The following DIS3L2 variants were observed in gnomAD, a reference collection of about 807,000 sequenced individuals.
The protein encoded by DIS3L2 is DIS3-like exonuclease 2.
DIS3L2 carries 34 observed loss-of-function variants against 97.5 expected under a neutral mutation model. The observed-to-expected ratio is 0.35, with a 90% CI of 0.27 to 0.46. The LOEUF (loss-of-function observed/expected upper bound fraction) is 0.46, where lower values mean the gene tolerates loss of function less well. Ranked by LOEUF, DIS3L2 falls within the 20% of genes least tolerant of loss-of-function variation. The probability of loss-of-function intolerance (pLI) is 1.00; values close to 1 mark genes in which losing one functional copy is unlikely to be tolerated. For missense variants in DIS3L2, 1,038 were observed against 1,146.0 expected (o/e 0.91, Z 1.36); for synonymous variants, 435 against 445.2 (o/e 0.98, Z 0.29).
intron 8 of DIS3L2, among the ~76,000 whole-genome samples, chr2:232,143,425 G>A (rs972212118): frequency 1.3e-5 from 2 of 151,982 alleles, no homozygotes; most frequent in Non-Finnish European, 2.9e-5. Flanking sequence ...TTGAAGTGGT[G>A]ATCATTATAA....
intron 1 of DIS3L2, among the ~76,000 whole-genome samples, chr2:232,009,696 T>G (rs1358676725): frequency 6.6e-6 from 1 of 152,192 alleles, no homozygotes; most frequent in Non-Finnish European, 1.5e-5. Context: ...ATGAGCAGCT[T>G]GCTGTGGCCC....
chr2:232,218,425 G>GTGGGAACAGAGGTTGCA (rs1302227959), intron 10 of DIS3L2, among the ~76,000 whole-genome samples: 1 of 152,158 alleles, frequency 6.6e-6, no homozygotes, highest in Non-Finnish European at 1.5e-5. Flanking sequence ...CCTCCGAGGT[G>GTGGGAACAGAGGTTGCA]TGGGAACAGA....
intron 1 of DIS3L2, among the ~76,000 whole-genome samples, chr2:231,991,243 A>G (rs1693578456): frequency 6.6e-6 from 1 of 152,058 alleles, no homozygotes. Context: ...GAAATGTTTA[A>G]TATTTTGACG....
intron 5 of DIS3L2, among the ~76,000 whole-genome samples, chr2:232,082,142 AG>A (rs1559607459): frequency 6.6e-6 from 1 of 152,180 alleles, no homozygotes; most frequent in Non-Finnish European, 1.5e-5. Flanking sequence ...GAGAGTACAC[AG>A]GTTTTGAGTC....
intron 14 of DIS3L2, among the ~76,000 whole-genome samples, chr2:232,315,131 CTG>C (rs1478697702): frequency 2.6e-5 from 4 of 152,304 alleles, no homozygotes; most frequent in Admixed American, 1.3e-4. Context: ...CTAGAAGAGA[CTG>C]TGATATTCAG....
intron 5 of DIS3L2, among the ~76,000 whole-genome samples, chr2:232,070,587 CTTT>C (rs112525730): frequency 2.1e-5 from 3 of 139,592 alleles, no homozygotes. Context: ...GGTTATGGTT[CTTT>C]TTTTTTTTTT....
rs2106248286 is a variant in DIS3L2 at position 232,037,334 on chromosome 2, T to G, written c.366+7254T>G. ...AACTTCCTGGTGGCTTTGTTTACAC[T>G]GTGAGGGGAAAACCGCCTACTTAAG... On this transcript the variant is annotated intron_variant, in intron 5 of 20. Coordinates refer to ENST00000325385, the MANE Select transcript of DIS3L2 (RefSeq NM_152383.5). The surrounding 1 kb of genome is among the most constrained non-coding windows in gnomAD (Gnocchi z 4.6). Among the ~76,000 whole-genome samples, 1 of 152,278 alleles carries G rather than the reference T, an allele frequency of 6.6e-6. No homozygotes were observed. The highest frequency in any genetic ancestry group is 6.5e-5 in the Admixed American group (1 of 15,308).
intron 1 of DIS3L2, among the ~76,000 whole-genome samples, chr2:231,984,833 C>G (rs1214362121): frequency 6.6e-6 from 1 of 152,094 alleles, no homozygotes; most frequent in African/African-American, 2.4e-5. Flanking sequence ...GTTGGCCAGA[C>G]TGGTCTTGAA....
chr2:232,014,209 C>CT (rs1294408456), intron 1 of DIS3L2, among the ~76,000 whole-genome samples: 2 of 152,322 alleles, frequency 1.3e-5, no homozygotes, highest in South Asian at 4.1e-4. Flanking sequence ...GCTGTTTGAG[C>CT]TTCTGATGAG....
chr2:232,287,147 C>G (rs1430142945), intron 13 of DIS3L2, among the ~76,000 whole-genome samples: 1 of 152,138 alleles, frequency 6.6e-6, no homozygotes, highest in Admixed American at 6.6e-5. Context: ...GCCCTACAGC[C>G]TCTAGAGAGA....
chr2:232,072,453 C>T (rs1173390563), intron 5 of DIS3L2, among the ~76,000 whole-genome samples: 3 of 152,076 alleles, frequency 2.0e-5, no homozygotes, highest in Admixed American at 2.0e-4. Flanking sequence ...AGCAAAGGGG[C>T]TGAGGTAGAG....
chr2:231,967,971 TTTG>T (rs1399234030), intron 1 of DIS3L2, among the ~76,000 whole-genome samples: 1 of 152,164 alleles, frequency 6.6e-6, no homozygotes, highest in African/African-American at 2.4e-5. Flanking sequence ...AAGTGTACAG[TTTG>T]TTAAGTTTTG....
At chr2:232,034,653 T>TC (rs1365260320) in intron 5 of DIS3L2, among the ~76,000 whole-genome samples, 2 of 152,236 alleles carry the variant, frequency 1.3e-5, no homozygotes, top group Admixed American at 6.5e-5. Flanking sequence ...ATCCCAGAGA[T>TC]TCTGGTACAT....
At position 232,276,352 on chromosome 2, in the gene DIS3L2, A is replaced by G. The variant is rs755364292; in HGVS notation, c.1659+12912A>G. ...TTCATTCTCCTGCCTGCCACCTGCC[A>G]GCCAAGCTCTCAGGCTTACCCACCT... On this transcript the variant is annotated intron_variant, in intron 13 of 20. Transcript: ENST00000325385. The surrounding 1 kb of genome is among the most constrained non-coding windows in gnomAD (Gnocchi z 4.4). Among the ~76,000 whole-genome samples the G allele has an allele frequency of 9.2e-5, 14 of 152,234 alleles. No individual in the cohort carries two copies. Among genetic ancestry groups the G allele is most frequent in the Non-Finnish European group, 1.9e-4 (13 of 68,032 alleles).
In DIS3L2 at chr2:232,337,047, A is replaced by G. The variant is rs1695981860; in HGVS notation, c.*417A>G. 1.9e-6 allele frequency: 2 copies of G among 1,059,144 alleles called. No homozygotes were observed. The highest frequency in any genetic ancestry group is 3.5e-5 in the African/African-American group (2 of 57,904). 65.6% of individuals were successfully genotyped at this position (1,059,144 alleles called of 1,614,324 possible). ...CCCTTGCACCCAGGGCAAGGGACCCAGTTCAGGCTTCACCCCTCGCTGCTG... is the reference window on the plus strand; with the variant it reads ...CCCTTGCACCCAGGGCAAGGGACCCGGTTCAGGCTTCACCCCTCGCTGCTG... On this transcript the variant is annotated 3_prime_UTR_variant, in exon 21 of 21. Transcript: ENST00000325385.
intron 5 of DIS3L2, among the ~76,000 whole-genome samples, chr2:232,075,091 C>T (rs958224703): frequency 1.8e-4 from 28 of 152,320 alleles, no homozygotes; most frequent in African/African-American, 6.5e-4. Flanking sequence ...GAGGTTCACT[C>T]TGAATCTCTT....
intron 1 of DIS3L2, among the ~76,000 whole-genome samples, chr2:232,000,105 C>A (rs1437719099): frequency 6.6e-6 from 1 of 152,158 alleles, no homozygotes; most frequent in East Asian, 1.9e-4. Flanking sequence ...AACCTATGCT[C>A]ATCTTTCTAC....
At chr2:232,041,935 G>A (rs1311968953) in intron 5 of DIS3L2, among the ~76,000 whole-genome samples, 3 of 152,214 alleles carry the variant, frequency 2.0e-5, no homozygotes, top group Non-Finnish European at 4.4e-5. Flanking sequence ...AATCAGTCAA[G>A]TACTTTGTTA....
intron 10 of DIS3L2, among the ~76,000 whole-genome samples, chr2:232,228,570 A>G (rs1692707802): frequency 1.3e-5 from 2 of 152,332 alleles, no homozygotes; most frequent in Middle Eastern, 3.4e-3. Context: ...GTTCACCTTT[A>G]TAGAGCTTGC....
Sources: gnomAD v4.1 joint callset for allele counts (sites outside exome capture counted in the v4.1 genomes callset) on GRCh38, gnomAD v4.1.1 for gene constraint, Gnocchi (gnomAD v3.1) non-coding constraint, MANE v1.5 for transcripts, NCBI Gene and HGNC (gene_info 2026-07-23, HGNC 2026-07-21) for gene names.